LINC00305: variants seen among roughly 807,000 people sequenced by gnomAD.
The protein encoded by LINC00305 is long intergenic non-protein coding RNA 305.
intron 3 of LINC00305, among the ~76,000 whole-genome samples, chr18:64,088,617 A>T (rs2051213324): frequency 6.6e-6 from 1 of 152,234 alleles, no homozygotes; most frequent in African/African-American, 2.4e-5. Flanking sequence ...TATTGTAATC[A>T]TACATGGATT....
chr18:64,101,044 T>A (rs1170843546), intron 1 of LINC00305, among the ~76,000 whole-genome samples: 3 of 152,180 alleles, frequency 2.0e-5, no homozygotes, highest in African/African-American at 7.2e-5. Context: ...AAGCTGGACA[T>A]CTTTGCAAAT....
intron 3 of LINC00305, among the ~76,000 whole-genome samples, chr18:64,087,995 C>T (rs943163209): frequency 6.6e-6 from 1 of 151,914 alleles, no homozygotes; most frequent in Non-Finnish European, 1.5e-5. Flanking sequence ...TGGTGGCGGG[C>T]GCCTGTAGTC....
intron 3 of LINC00305, among the ~76,000 whole-genome samples, chr18:64,080,861 C>T (rs1014496195): frequency 1.3e-5 from 2 of 152,220 alleles, no homozygotes; most frequent in Admixed American, 1.3e-4. Context: ...ATCACCTTCA[C>T]TTATTTTAAA....
chr18:64,096,951 C>A (rs2051247421), intron 3 of LINC00305, among the ~76,000 whole-genome samples: 3 of 151,450 alleles, frequency 2.0e-5, no homozygotes, highest in Admixed American at 6.6e-5. Context: ...TTTTATATAA[C>A]TATAATAAAA....
intron 1 of LINC00305, among the ~76,000 whole-genome samples, chr18:64,117,064 C>A (rs1033746373): frequency 3.3e-5 from 5 of 152,170 alleles, no homozygotes; most frequent in African/African-American, 1.2e-4. Context: ...GGCCCCTAGT[C>A]CTTGCTCACT....
chr18:64,125,410 T>TAA (rs200652233), intron 1 of LINC00305, among the ~76,000 whole-genome samples: 22 of 151,400 alleles, frequency 1.5e-4, no homozygotes, highest in Non-Finnish European at 2.7e-4. Flanking sequence ...CACAATTAAA[T>TAA]AAAAAAAAAT....
At chr18:64,098,597 T>C (rs2051256219) in exon 2 of LINC00305, 1 of 444,782 alleles carries the variant, frequency 2.2e-6, no homozygotes, top group Admixed American at 2.5e-5. Flanking sequence ...GCACAGTCTA[T>C]GAAGGTTGAT....
chr18:64,109,183 G>C (rs2051304549), intron 1 of LINC00305, among the ~76,000 whole-genome samples: 1 of 152,196 alleles, frequency 6.6e-6, no homozygotes, highest in South Asian at 2.1e-4. Context: ...TTAGTGAGTA[G>C]GCTAACAGGG....
chr18:64,094,913 TG>T (rs1263493474), intron 3 of LINC00305, among the ~76,000 whole-genome samples: 1 of 126,122 alleles, frequency 7.9e-6, no homozygotes, highest in Non-Finnish European at 1.7e-5. Flanking sequence ...AATTTCTTTC[TG>T]GGCAAGCAAG....
chr18:64,101,380 AG>A (rs2051267425), intron 1 of LINC00305, among the ~76,000 whole-genome samples: 1 of 152,076 alleles, frequency 6.6e-6, no homozygotes, highest in African/African-American at 2.4e-5. Flanking sequence ...TGAGTTGTTG[AG>A]AGGCGCATGC....
intron 1 of LINC00305, among the ~76,000 whole-genome samples, chr18:64,124,987 A>G (rs1376373803): frequency 6.6e-6 from 1 of 152,056 alleles, no homozygotes. Flanking sequence ...GTATATATTC[A>G]TTGTTTTCTT....
intron 3 of LINC00305, among the ~76,000 whole-genome samples, chr18:64,095,000 C>G (rs1428656852): frequency 6.6e-6 from 1 of 152,144 alleles, no homozygotes; most frequent in Non-Finnish European, 1.5e-5. Context: ...AAACTGACCT[C>G]TGAGCCATAC....
chr18:64,082,909 A>G (rs564740463), intron 3 of LINC00305, among the ~76,000 whole-genome samples: 1 of 152,070 alleles, frequency 6.6e-6, no homozygotes, highest in Non-Finnish European at 1.5e-5. Context: ...TTTCTAAAAT[A>G]TTTGAAAAAA....
chr18:64,122,069 G>C (rs920297944), intron 1 of LINC00305, among the ~76,000 whole-genome samples: 4 of 151,998 alleles, frequency 2.6e-5, no homozygotes, highest in Admixed American at 6.6e-5. Flanking sequence ...TGAACTTCTT[G>C]TAGTTTCTAG....
At chr18:64,121,310 C>CAAA (rs2051361034) in intron 1 of LINC00305, among the ~76,000 whole-genome samples, 1 of 151,954 alleles carries the variant, frequency 6.6e-6, no homozygotes, top group Non-Finnish European at 1.5e-5. Flanking sequence ...ATAACGTACG[C>CAAA]TGTACCCCAA....
At chr18:64,140,801 A>G (rs957536217) in intron 1 of LINC00305, among the ~76,000 whole-genome samples, 2 of 152,094 alleles carry the variant, frequency 1.3e-5, no homozygotes, top group Non-Finnish European at 2.9e-5. Flanking sequence ...TGTGCCTGAT[A>G]TAATCAAATG....
chr18:64,086,708 A>G (rs1004839924), intron 3 of LINC00305, among the ~76,000 whole-genome samples: 4 of 152,236 alleles, frequency 2.6e-5, no homozygotes, highest in Non-Finnish European at 5.9e-5. Flanking sequence ...GAAGAGTCTC[A>G]TTCCAAACTA....
At chr18:64,148,025 T>G (rs2144287663) in intron 1 of LINC00305, among the ~76,000 whole-genome samples, 1 of 152,154 alleles carries the variant, frequency 6.6e-6, no homozygotes, top group African/African-American at 2.4e-5. Flanking sequence ...TCTTAGATGC[T>G]GTGCTGACCA....
intron 1 of LINC00305, among the ~76,000 whole-genome samples, chr18:64,107,120 C>T (rs2051294441): frequency 6.6e-6 from 1 of 152,136 alleles, no homozygotes; most frequent in Non-Finnish European, 1.5e-5. Context: ...TGGTGGAGCC[C>T]CATGGAGAAA....
Sources: gnomAD v4.1 joint callset for allele counts (sites outside exome capture counted in the v4.1 genomes callset) on GRCh38, gnomAD v4.1.1 for gene constraint, MANE v1.5 for transcripts, NCBI Gene and HGNC (gene_info 2026-07-23, HGNC 2026-07-21) for gene names.